The following RARB variants were observed in gnomAD, a reference collection of about 807,000 sequenced individuals.
RARB encodes retinoic acid receptor beta.
Under a neutral mutation model 51.9 loss-of-function variants are expected in RARB, and 17 were observed. The ratio of observed to expected loss-of-function variants is 0.33; its 90% CI spans 0.22 to 0.49. RARB has a LOEUF of 0.49. Among genes scored for constraint, RARB ranks in the 20% least tolerant of loss-of-function variants. RARB has a pLI of 0.99. For synonymous variants in RARB, 215 were observed against 195.4 expected (o/e 1.10, Z -0.84); for missense variants, 369 against 550.8 (o/e 0.67, Z 3.30).
At chr3:24,871,372 TCAACCTCTGA>T (rs905077745) in intron 2 of RARB, among the ~76,000 whole-genome samples, 2 of 152,168 alleles carry the variant, frequency 1.3e-5, no homozygotes, top group Non-Finnish European at 2.9e-5. Context: ...ATTTTAGCTA[TCAACCTCTGA>T]CAAACGTCGT....
intron 5 of RARB, among the ~76,000 whole-genome samples, chr3:25,367,130 T>C (rs922942): frequency 0.42 from 63,769 of 152,036 alleles, 13,941 homozygotes; most frequent in East Asian, 0.75. Flanking sequence ...CTCTCCAGTA[T>C]TTCCTCAGGT....
intron 2 of RARB, among the ~76,000 whole-genome samples, chr3:24,936,846 A>C (rs1190723726): frequency 1.3e-5 from 2 of 152,108 alleles, no homozygotes; most frequent in Non-Finnish European, 2.9e-5. Context: ...CAGAATACTG[A>C]CCTATAATTA....
At chr3:25,270,069 T>G (rs889333040) in intron 5 of RARB, among the ~76,000 whole-genome samples, 3 of 152,158 alleles carry the variant, frequency 2.0e-5, no homozygotes, top group Non-Finnish European at 4.4e-5. Context: ...GAACAGAAAA[T>G]GCAGCATCTT....
intron 5 of RARB, among the ~76,000 whole-genome samples, chr3:25,297,522 A>G (rs1210034212): frequency 2.0e-5 from 3 of 150,296 alleles, no homozygotes; most frequent in Non-Finnish European, 4.4e-5. Flanking sequence ...ATATGAATTC[A>G]TAAGAATCAT....
rs138468762 is a variant in RARB at position 25,337,789 on chromosome 3, T to G, written c.179-123404T>G. On this transcript the variant is annotated intron_variant, in intron 5 of 11. Coordinates refer to the RARB transcript ENST00000383772. ...TATAAATACCTTTTTTGCCCTAGAA[T>G]GTACATTCCAGGAGTATACGTTTCT... 3.5e-3 allele frequency among the ~76,000 whole-genome samples: 529 copies of G among 152,226 alleles called. 5 individuals are homozygous for G. Among genetic ancestry groups the G allele is most frequent in the African/African-American group, 0.012 (499 of 41,542 alleles).
chr3:24,898,914 G>A (rs1316461385), intron 2 of RARB, among the ~76,000 whole-genome samples: 1 of 152,134 alleles, frequency 6.6e-6, no homozygotes, highest in East Asian at 1.9e-4. Flanking sequence ...GTAACAGAGG[G>A]CTCTTCTCCA....
At chr3:25,144,453 G>A (rs1700156370) in intron 4 of RARB, among the ~76,000 whole-genome samples, 1 of 152,032 alleles carries the variant, frequency 6.6e-6, no homozygotes, top group Non-Finnish European at 1.5e-5. Flanking sequence ...TAAGGGAGAA[G>A]GTCAGCAAAG....
In RARB at chr3:25,456,660, A is replaced by AATATATATATATATAT. The variant is rs59052323; in HGVS notation, c.158-4525_158-4510dup. Among the ~76,000 whole-genome samples, 6 of 96,204 alleles carry AATATATATATATATAT rather than the reference A, an allele frequency of 6.2e-5. No homozygotes were observed. The East Asian group carries it at 1.5e-3, about 24-fold the overall frequency. The allele number at this position is 96,204 out of a possible 152,430, so 63.1% of individuals were successfully genotyped here. A position where few individuals can be genotyped will look rare whatever the true frequency, so the allele number is the denominator to read the frequency against. ...CCATCAATTCTGAGGGTGATATTTG[A>AATATATATATATATAT]ATATATATATATATATATATATAGA... On this transcript the variant is annotated intron_variant, in intron 1 of 7. Coordinates refer to ENST00000330688, the MANE Select transcript of RARB (RefSeq NM_000965.5).
intron 3 of RARB, among the ~76,000 whole-genome samples, chr3:25,086,916 G>C (rs1559461551): frequency 6.6e-6 from 1 of 152,146 alleles, no homozygotes; most frequent in Non-Finnish European, 1.5e-5. Flanking sequence ...ATCAGACTTA[G>C]AAAGGTGCCA....
intron 2 of RARB, among the ~76,000 whole-genome samples, chr3:24,979,866 C>A (rs1440096937): frequency 6.6e-6 from 1 of 152,136 alleles, no homozygotes; most frequent in Non-Finnish European, 1.5e-5. Flanking sequence ...TTCTTCATAG[C>A]ATCAATGGTC....
In RARB at chr3:24,867,017, G is replaced by A. The variant is rs73823004; in HGVS notation, c.-380+8265G>A. Among the ~76,000 whole-genome samples, 1,409 of 152,158 alleles carry A rather than the reference G, an allele frequency of 9.3e-3. 23 individuals carry two copies. The highest frequency in any genetic ancestry group is 0.029 in the African/African-American group (1,187 of 41,506). On this transcript the variant is annotated intron_variant, in intron 2 of 11. Transcript: ENST00000383772. ...GTCTGGAGGTCCAAGTGGAGCCATT[G>A]GTCATCAGATATGCAAAAAACGTGA...
At chr3:25,314,243 T>C (rs894434568) in intron 5 of RARB, among the ~76,000 whole-genome samples, 1 of 151,676 alleles carries the variant, frequency 6.6e-6, no homozygotes, top group Non-Finnish European at 1.5e-5. Flanking sequence ...TCCTAGAATT[T>C]TTAGCTTCAT....
chr3:24,913,731 TAATC>T (rs955339349), intron 2 of RARB, among the ~76,000 whole-genome samples: 9 of 152,338 alleles, frequency 5.9e-5, no homozygotes, highest in East Asian at 3.9e-4. Flanking sequence ...TAAGGATAAT[TAATC>T]TTTACAGTCC....
chr3:25,398,219 A>T (rs2125492341), intron 5 of RARB, among the ~76,000 whole-genome samples: 1 of 152,264 alleles, frequency 6.6e-6, no homozygotes, highest in African/African-American at 2.4e-5. Flanking sequence ...GAACATAAAA[A>T]AAATGAGACA....
chr3:25,483,280 G>A (rs1032233222), intron 2 of RARB, among the ~76,000 whole-genome samples: 3 of 152,178 alleles, frequency 2.0e-5, no homozygotes, highest in Non-Finnish European at 4.4e-5. Context: ...CTAATTGGTA[G>A]AAATTTTAGT....
intron 5 of RARB, among the ~76,000 whole-genome samples, chr3:25,208,434 T>C (rs757343979): frequency 2.0e-5 from 3 of 152,206 alleles, no homozygotes; most frequent in Non-Finnish European, 2.9e-5. Context: ...TGTTGACCTT[T>C]CAAGCAAGTC....
intron 2 of RARB, among the ~76,000 whole-genome samples, chr3:25,048,819 G>C (rs936047713): frequency 6.8e-6 from 1 of 147,290 alleles, no homozygotes; most frequent in Non-Finnish European, 1.5e-5. Context: ...GCAGTGGCGC[G>C]ATCTCGGCTC....
At chr3:25,347,291 C>G (rs1705423263) in intron 5 of RARB, among the ~76,000 whole-genome samples, 1 of 152,074 alleles carries the variant, frequency 6.6e-6, no homozygotes, top group Admixed American at 6.6e-5. Context: ...AATTCAGTAA[C>G]GTAAGTGAAA....
chr3:25,012,760 T>G (rs1410864332), intron 2 of RARB, among the ~76,000 whole-genome samples: 1 of 152,070 alleles, frequency 6.6e-6, no homozygotes, highest in African/African-American at 2.4e-5. Flanking sequence ...AAGTGAGAGA[T>G]ATACAAAATT....
Sources: allele counts gnomAD v4.1 joint callset (sites outside exome capture counted in the v4.1 genomes callset), GRCh38; gene constraint gnomAD v4.1.1; transcripts MANE v1.5; gene names NCBI Gene and HGNC (gene_info 2026-07-23, HGNC 2026-07-21).